ZC2HC1B: variants seen among roughly 807,000 people sequenced by gnomAD.
The protein encoded by ZC2HC1B is zinc finger C2HC domain-containing protein 1B.
A neutral mutation model predicts 31.0 loss-of-function variants in ZC2HC1B; 36 were observed. The ratio of observed to expected loss-of-function variants is 1.16; its 90% CI spans 0.89 to 1.54. The LOEUF (loss-of-function observed/expected upper bound fraction) is 1.54, where lower values mean the gene tolerates loss of function less well. ZC2HC1B is among the 40% of genes most tolerant of loss of function. The probability of loss-of-function intolerance (pLI) is 0.00; values close to 1 mark genes in which losing one functional copy is unlikely to be tolerated. For missense variants in ZC2HC1B, 260 were observed against 268.6 expected, an observed-to-expected ratio of 0.97 and a Z score of 0.22; for synonymous variants, 73 against 88.0, an observed-to-expected ratio of 0.83 and a Z score of 0.95.
In ZC2HC1B at chr6:143,924,124, A is replaced by G. The variant is rs1562347830; in HGVS notation, c.599-13525A>G. Among the ~76,000 whole-genome samples the G allele has an allele frequency of 1.3e-5, 2 of 152,004 alleles. No homozygotes were observed. Among genetic ancestry groups the G allele is most frequent in the Admixed American group, 6.6e-5 (1 of 15,260 alleles). On this transcript the variant is annotated intron_variant, in intron 6 of 7. Transcript: ENST00000237275. This position sits in a 1 kb window ranked among gnomAD's most constrained non-coding sequence, Gnocchi z 5.2. Reference sequence around the variant, plus strand: ...GTTTGTGTCCTCTTAACATTCTTTCATCAGTGTTTTGAAGTTTTCCTCGTA... The same window carrying G: ...GTTTGTGTCCTCTTAACATTCTTTCGTCAGTGTTTTGAAGTTTTCCTCGTA...
rs896706454 is a variant in ZC2HC1B at position 143,911,508 on chromosome 6, G to T, written c.598+8356G>T. On this transcript the variant is annotated intron_variant, in intron 6 of 7. Coordinates refer to ENST00000237275, the MANE Select transcript of ZC2HC1B (RefSeq NM_001013623.3). The surrounding 1 kb of genome is among the most constrained non-coding windows in gnomAD (Gnocchi z 4.5). ...CATTTGCTTGTCTGAAAAGGATGTT[G>T]TTTCTCCTTTGCTTATGAAGCTTAG... 2.0e-5 allele frequency among the ~76,000 whole-genome samples: 3 copies of T among 152,138 alleles called. No individual in the cohort carries two copies. Among genetic ancestry groups the T allele is most frequent in the African/African-American group, 7.2e-5 (3 of 41,432 alleles).
intron 6 of ZC2HC1B, among the ~76,000 whole-genome samples, chr6:143,907,065 G>C (rs1777803956): frequency 6.6e-6 from 1 of 152,148 alleles, no homozygotes; most frequent in African/African-American, 2.4e-5. Context: ...GTTTGTGGAA[G>C]ATAATGGCCT....
intron 6 of ZC2HC1B, among the ~76,000 whole-genome samples, chr6:143,914,221 G>T (rs1777891865): frequency 6.6e-6 from 1 of 151,638 alleles, no homozygotes; most frequent in Non-Finnish European, 1.5e-5. Flanking sequence ...AGCATTTATA[G>T]GTGTAAATTC....
chr6:143,907,320 TG>T (rs1457349788), intron 6 of ZC2HC1B, among the ~76,000 whole-genome samples: 1 of 152,254 alleles, frequency 6.6e-6, no homozygotes, highest in African/African-American at 2.4e-5. Context: ...CTGGGTCAAA[TG>T]GTATTTCTGC....
At position 143,913,602 on chromosome 6, in the gene ZC2HC1B, T is replaced by C. The variant is rs1023578230; in HGVS notation, c.598+10450T>C. Among the ~76,000 whole-genome samples, 1 of 152,220 alleles carries C rather than the reference T, an allele frequency of 6.6e-6. No homozygotes were observed. The highest frequency in any genetic ancestry group is 1.5e-5 in the Non-Finnish European group (1 of 68,040). On this transcript the variant is annotated intron_variant, in intron 6 of 7. Transcript: ENST00000237275. The surrounding 1 kb of genome is among the most constrained non-coding windows in gnomAD (Gnocchi z 5.7). Reference sequence around the variant, plus strand: ...GAAAGACTGGTGTATTTAAAGCTCCTGGGTTTCTGTGTGTGCCTGAGCAGT... The same window carrying C: ...GAAAGACTGGTGTATTTAAAGCTCCCGGGTTTCTGTGTGTGCCTGAGCAGT...
At position 143,935,625 on chromosome 6, in the gene ZC2HC1B, T is replaced by A. The variant is rs147718174; in HGVS notation, c.599-2024T>A. ...ATATATTCAGATTGACAATCAGTAG[T>A]TTAGGCCACTTGGTATCACTCTTTT... On this transcript the variant is annotated intron_variant, in intron 6 of 7. Transcript: ENST00000237275. Among the ~76,000 whole-genome samples, 234 of 149,934 alleles carry A rather than the reference T, an allele frequency of 1.6e-3. 5 individuals are homozygous for A. The highest frequency in any genetic ancestry group is 0.01 in the East Asian group (53 of 5,112).
chr6:143,936,734 A>G (rs1056076041), intron 6 of ZC2HC1B, among the ~76,000 whole-genome samples: 3 of 152,252 alleles, frequency 2.0e-5, no homozygotes, highest in Non-Finnish European at 4.4e-5. Context: ...GCATTTGTAC[A>G]GCTTTGCTGG....
At chr6:143,920,901 C>T (rs1471286095) in intron 6 of ZC2HC1B, among the ~76,000 whole-genome samples, 1 of 134,670 alleles carries the variant, frequency 7.4e-6, no homozygotes, top group Admixed American at 7.3e-5. Flanking sequence ...CGAGAGACTC[C>T]GTCTCAAAAA....
In ZC2HC1B at chr6:143,871,742, A is replaced by G. The variant is rs1463986926; in HGVS notation, c.28+7175A>G. 6.6e-6 allele frequency among the ~76,000 whole-genome samples: 1 copy of G among 152,196 alleles called. No individual in the cohort carries two copies. The highest frequency in any genetic ancestry group is 1.9e-4 in the East Asian group (1 of 5,194). On this transcript the variant is annotated intron_variant, in intron 1 of 7. Transcript: ENST00000237275. This position sits in a 1 kb window ranked among gnomAD's most constrained non-coding sequence, Gnocchi z 4.1. ...TTTGATTTACTATTTTTCTAGGTAA[A>G]GACAGTGCTTATGGCTTCCATTTGG...
chr6:143,925,597 C>T (rs540851707), intron 6 of ZC2HC1B, among the ~76,000 whole-genome samples: 42 of 139,604 alleles, frequency 3.0e-4, no homozygotes, highest in Non-Finnish European at 5.1e-4. Flanking sequence ...AGTGTAGTGG[C>T]GCGATCTCGT....
At position 143,922,940 on chromosome 6, in the gene ZC2HC1B, C is replaced by T. The variant is rs1376685277; in HGVS notation, c.599-14709C>T. Among the ~76,000 whole-genome samples, 1 of 152,116 alleles carries T rather than the reference C, an allele frequency of 6.6e-6. No individual in the cohort carries two copies. Among genetic ancestry groups the T allele is most frequent in the East Asian group, 1.9e-4 (1 of 5,194 alleles). On this transcript the variant is annotated intron_variant, in intron 6 of 7. Transcript: ENST00000237275. This position sits in a 1 kb window ranked among gnomAD's most constrained non-coding sequence, Gnocchi z 5.0. ...TGAGGAAACTTCATTCTGTCTTCTGCAAGGGCTGTACTAATTTACTTTCCA... is the reference window on the plus strand; with the variant it reads ...TGAGGAAACTTCATTCTGTCTTCTGTAAGGGCTGTACTAATTTACTTTCCA...
chr6:143,925,305 A>T (rs1042627982), intron 6 of ZC2HC1B, among the ~76,000 whole-genome samples: 3 of 150,082 alleles, frequency 2.0e-5, no homozygotes, highest in African/African-American at 7.4e-5. Context: ...CCTCCCGAGC[A>T]GCTGGGAGTA....
At chr6:143,881,292 T>C (rs1777462718) in intron 1 of ZC2HC1B, among the ~76,000 whole-genome samples, 1 of 152,126 alleles carries the variant, frequency 6.6e-6, no homozygotes, top group African/African-American at 2.4e-5. Context: ...GGCTTACACC[T>C]GCAATCCCAA....
At chr6:143,879,428 A>T (rs998372930) in intron 1 of ZC2HC1B, among the ~76,000 whole-genome samples, 2 of 152,144 alleles carry the variant, frequency 1.3e-5, no homozygotes, top group East Asian at 3.8e-4. Flanking sequence ...CTGAGTCTTA[A>T]TTCTTTTTCT....
rs542935325 is a variant in ZC2HC1B at position 143,871,683 on chromosome 6, A to T, written c.28+7116A>T. Among the ~76,000 whole-genome samples, 1 of 152,200 alleles carries T rather than the reference A, an allele frequency of 6.6e-6. No homozygotes were observed. Among genetic ancestry groups the T allele is most frequent in the Admixed American group, 6.5e-5 (1 of 15,282 alleles). On this transcript the variant is annotated intron_variant, in intron 1 of 7. Coordinates refer to ENST00000237275, the MANE Select transcript of ZC2HC1B (RefSeq NM_001013623.3). The surrounding 1 kb of genome is among the most constrained non-coding windows in gnomAD (Gnocchi z 4.1). ...TTTCAAGTCCTTGATGGTGGTACTA[A>T]TCGCCACAGTCTCTGCAGGGATGTG...
chr6:143,925,268 C>T (rs1207733749), intron 6 of ZC2HC1B, among the ~76,000 whole-genome samples: 3 of 149,292 alleles, frequency 2.0e-5, no homozygotes, highest in African/African-American at 5.0e-5. Context: ...CTCCGCCTCC[C>T]GGGTTCACGC....
Position 143,899,895 on chromosome 6 carries a change from T to C in ZC2HC1B, c.489+1204T>C, listed in dbSNP as rs1254618262. On this transcript the variant is annotated intron_variant, in intron 5 of 7. Coordinates refer to ENST00000237275, the MANE Select transcript of ZC2HC1B (RefSeq NM_001013623.3). The surrounding 1 kb of genome is among the most constrained non-coding windows in gnomAD (Gnocchi z 5.0). Reference sequence around the variant, plus strand: ...GGAGGGGGACTTAGAGCTGGTACAGTTGGCATATATAGGAGAGCTATGGAA... The same window carrying C: ...GGAGGGGGACTTAGAGCTGGTACAGCTGGCATATATAGGAGAGCTATGGAA... 4.6e-5 allele frequency among the ~76,000 whole-genome samples: 7 copies of C among 152,200 alleles called. 1 individual carries two copies. Among genetic ancestry groups the C allele is most frequent in the Admixed American group, 4.6e-4 (7 of 15,284 alleles).
At position 143,937,216 on chromosome 6, in the gene ZC2HC1B, T is replaced by C. The variant is rs530771586; in HGVS notation, c.599-433T>C. ...TGGAATGAATCCATTGTCACGTAGA[T>C]AACCCTAAGCAGGGAAGGCAGCTTA... On this transcript the variant is annotated intron_variant, in intron 6 of 7. Coordinates refer to ENST00000237275, the MANE Select transcript of ZC2HC1B (RefSeq NM_001013623.3). Among the ~76,000 whole-genome samples, 230 of 152,184 alleles carry C rather than the reference T, an allele frequency of 1.5e-3. 1 individual carries two copies. The highest frequency in any genetic ancestry group is 5.1e-3 in the African/African-American group (212 of 41,500).
chr6:143,894,532 C>T (rs1450143179), intron 4 of ZC2HC1B, among the ~76,000 whole-genome samples: 1 of 152,222 alleles, frequency 6.6e-6, no homozygotes, highest in African/African-American at 2.4e-5. Flanking sequence ...TGTAGTCATA[C>T]TATAAAATCA....
Sources: gnomAD v4.1 joint callset for allele counts (sites outside exome capture counted in the v4.1 genomes callset) on GRCh38, gnomAD v4.1.1 for gene constraint, Gnocchi (gnomAD v3.1) non-coding constraint, MANE v1.5 for transcripts, NCBI Gene and HGNC (gene_info 2026-07-23, HGNC 2026-07-21) for gene names.